Variants in ZBTB34 observed in about 807,000 individuals in gnomAD.
The protein encoded by ZBTB34 is zinc finger and BTB domain-containing protein 34.
ZBTB34 carries 1 observed loss-of-function variant against 33.4 expected under a neutral mutation model. The observed-to-expected ratio is 0.03, with a 90% confidence interval of 0.01 to 0.14. The LOEUF (loss-of-function observed/expected upper bound fraction) is 0.14. ZBTB34 is among the 10% of genes least tolerant of loss of function. ZBTB34 has a pLI of 1.00. For missense variants in ZBTB34, 406 were observed against 657.2 expected (o/e 0.62, Z 4.18); for synonymous variants, 283 against 253.5 (o/e 1.12, Z -1.11).
intron 1 of ZBTB34, among the ~76,000 whole-genome samples, chr9:126,875,436 G>A (rs1158769301): frequency 6.6e-6 from 1 of 152,146 alleles, no homozygotes; most frequent in Admixed American, 6.6e-5. Flanking sequence ...TTTTGGGGGA[G>A]AGTGTCTCTC....
chr9:126,862,586 C>T (rs1348652675), intron 1 of ZBTB34, among the ~76,000 whole-genome samples: 1 of 152,226 alleles, frequency 6.6e-6, no homozygotes, highest in African/African-American at 2.4e-5. Flanking sequence ...GTTCCCCCTT[C>T]TGAAGCACTG....
chr9:126,860,801 A>G (rs908427903), intron 1 of ZBTB34, 62 bp downstream of exon 1: 1 of 50,478 alleles, frequency 2.0e-5, no homozygotes. Context: ...CAGGCGGGGC[A>G]GGCGGGGCGG....
At chr9:126,875,883 C>T (rs2033349759) in intron 1 of ZBTB34, among the ~76,000 whole-genome samples, 1 of 151,998 alleles carries the variant, frequency 6.6e-6, no homozygotes, top group African/African-American at 2.4e-5. Flanking sequence ...GGAATGACTG[C>T]ACTAAAGTTT....
intron 1 of ZBTB34, among the ~76,000 whole-genome samples, chr9:126,874,391 C>T (rs529023536): frequency 3.1e-4 from 47 of 151,902 alleles, no homozygotes; most frequent in African/African-American, 1.1e-3. Context: ...TTTTCTACCT[C>T]GGTGTTTTGT....
In ZBTB34 at chr9:126,879,273, G is replaced by A; in HGVS notation, c.-10-117G>A. On this transcript the variant is annotated intron_variant, in intron 1 of 1. Coordinates refer to ENST00000319119, the Ensembl canonical transcript of ZBTB34. The surrounding 1 kb of genome is among the most constrained non-coding windows in gnomAD (Gnocchi z 6.4). ...CTAAAACAAGGGGAAGAATGCTTCA[G>A]GTAGATTTTAGGAGGTATGATAGCC... is the stretch of plus-strand genomic sequence containing the variant. 1 of 813,120 alleles carries A rather than the reference G, an allele frequency of 1.2e-6. No individual in the cohort carries two copies. Among genetic ancestry groups the A allele is most frequent in the East Asian group, 2.6e-5 (1 of 38,964 alleles). The allele number at this position is 813,120 out of a possible 1,614,324, so 50.4% of individuals were successfully genotyped here.
chr9:126,867,441 A>AT (rs2033220211), intron 1 of ZBTB34, among the ~76,000 whole-genome samples: 1 of 102,616 alleles, frequency 9.7e-6, no homozygotes, highest in Non-Finnish European at 2.1e-5. Flanking sequence ...TTTTTTTGTC[A>AT]TTTTTCTTTT....
At chr9:126,873,024 A>T (rs1325953982) in intron 1 of ZBTB34, among the ~76,000 whole-genome samples, 1 of 152,136 alleles carries the variant, frequency 6.6e-6, no homozygotes, top group East Asian at 1.9e-4. Flanking sequence ...TGTACATTCT[A>T]TTTCAGAAAT....
At position 126,880,047 on chromosome 9, in the gene ZBTB34, G is replaced by A; in HGVS notation, c.648G>A (p.Glu216=). 6.2e-7 allele frequency: 1 copy of A among 1,613,722 alleles called. No homozygotes were observed. Among genetic ancestry groups the A allele is most frequent in the Non-Finnish European group, 8.5e-7 (1 of 1,179,894 alleles). ...GCAGTGGGAGCGTTTCTGAATATGAGATTCAGATAGAGGGAGACCATGAGC... is the reference window on the plus strand; with the variant it reads ...GCAGTGGGAGCGTTTCTGAATATGAAATTCAGATAGAGGGAGACCATGAGC... The change falls in exon 2 of 2, where the codon GAG becomes GAA. Residue 216 remains glutamate (E), a synonymous_variant. Transcript: ENST00000319119. The surrounding 1 kb of genome is among the most constrained non-coding windows in gnomAD (Gnocchi z 6.7).
intron 1 of ZBTB34, among the ~76,000 whole-genome samples, chr9:126,866,878 C>T (rs1564220400): frequency 6.6e-6 from 1 of 152,082 alleles, no homozygotes; most frequent in Non-Finnish European, 1.5e-5. Context: ...CCACAGTGAC[C>T]ACCATTAATA....
exon 2 of ZBTB34, chr9:126,881,596 G>A (rs532923054): frequency 6.6e-5 from 11 of 167,024 alleles, no homozygotes; most frequent in Non-Finnish European, 1.3e-4. Flanking sequence ...AGCAAGCAAA[G>A]CAAATCACAG....
chr9:126,865,794 G>A (rs1346216858), intron 1 of ZBTB34, among the ~76,000 whole-genome samples: 1 of 152,180 alleles, frequency 6.6e-6, no homozygotes, highest in Non-Finnish European at 1.5e-5. Flanking sequence ...AGACCAGACT[G>A]GTCAACATGG....
intron 1 of ZBTB34, among the ~76,000 whole-genome samples, chr9:126,877,840 A>C (rs1588390851): frequency 1.3e-5 from 2 of 149,512 alleles, no homozygotes; most frequent in Non-Finnish European, 3.0e-5. Context: ...CCCCATCTCT[A>C]CTGAAAATAC....
chr9:126,869,199 C>G (rs1319906491), intron 1 of ZBTB34, among the ~76,000 whole-genome samples: 1 of 133,050 alleles, frequency 7.5e-6, no homozygotes, highest in Non-Finnish European at 1.6e-5. Flanking sequence ...ACCCCCACCC[C>G]CCACCCCATC....
At position 126,880,015 on chromosome 9, in the gene ZBTB34, C is replaced by T; in HGVS notation, c.616C>T (p.Arg206Cys). The T allele has an allele frequency of 6.2e-7, 1 of 1,613,530 alleles. No homozygotes were observed. The highest frequency in any genetic ancestry group is 8.5e-7 in the Non-Finnish European group (1 of 1,179,888). The change falls in exon 2 of 2, where the codon CGC becomes TGC. Residue 206 changes from arginine (R) to cysteine (C), a missense_variant. Arg to Cys is a radical substitution (Grantham distance 180, BLOSUM62 -3). Transcript: ENST00000319119. The surrounding 1 kb of genome is among the most constrained non-coding windows in gnomAD (Gnocchi z 6.7). The stretch of plus-strand genomic sequence containing the variant: ...CTTACAGGAGGAGGGGCACTCAGAC[C>T]GCGGGAGCAGTGGGAGCGTTTCTGA...
chr9:126,885,226 C>T (rs1387698705), exon 2 of ZBTB34: 1 of 167,104 alleles, frequency 6.0e-6, no homozygotes, highest in African/African-American at 2.4e-5. Flanking sequence ...AACCTGCTTT[C>T]TCTGGTTTCC....
intron 1 of ZBTB34, among the ~76,000 whole-genome samples, chr9:126,870,669 G>A (rs1410127487): frequency 6.6e-6 from 1 of 152,230 alleles, no homozygotes; most frequent in African/African-American, 2.4e-5. Flanking sequence ...GCTCACGCCT[G>A]TAATCCCAGC....
intron 1 of ZBTB34, chr9:126,863,627 T>C (rs2033167410): frequency 1.1e-6 from 1 of 910,598 alleles, no homozygotes; most frequent in Non-Finnish European, 1.3e-6. Flanking sequence ...GTGAAGGTCA[T>C]CAACTGAACG....
chr9:126,883,020 C>G (rs76698109), exon 2 of ZBTB34: 3,164 of 166,974 alleles, frequency 0.019, 65 homozygotes, highest in Non-Finnish European at 0.027. Context: ...CCTTTTTCCT[C>G]GTCAAACTGC....
exon 2 of ZBTB34, chr9:126,884,236 T>C (rs1322734218): frequency 1.2e-5 from 2 of 167,094 alleles, no homozygotes; most frequent in East Asian, 1.9e-4. Flanking sequence ...TAGCCTGTTA[T>C]TACAAACTGT....
Sources: allele counts gnomAD v4.1 joint callset (sites outside exome capture counted in the v4.1 genomes callset), GRCh38; gene constraint gnomAD v4.1.1; non-coding constraint Gnocchi (gnomAD v3.1); transcripts MANE v1.5; gene names NCBI Gene and HGNC (gene_info 2026-07-23, HGNC 2026-07-21).